The following IL1RAPL2 variants were observed in gnomAD, a reference collection of about 807,000 sequenced individuals.
IL1RAPL2 encodes the protein X-linked interleukin-1 receptor accessory protein-like 2.
Under a neutral mutation model 44.1 loss-of-function variants are expected in IL1RAPL2, and 3 were observed. The ratio of observed to expected loss-of-function variants is 0.07; its 90% CI spans 0.03 to 0.18. The LOEUF (loss-of-function observed/expected upper bound fraction) is 0.18. Among genes scored for constraint, IL1RAPL2 ranks in the 10% least tolerant of loss-of-function variants. The pLI, the probability that IL1RAPL2 is intolerant of heterozygous loss-of-function variation, is 1.00. For missense variants in IL1RAPL2, 391 were observed against 496.4 expected, an observed-to-expected ratio of 0.79 and a Z score of 2.02; for synonymous variants, 181 against 178.8, an observed-to-expected ratio of 1.01 and a Z score of -0.10.
chrX:104,575,848 G>T (rs1472089195), intron 1 of IL1RAPL2, among the ~76,000 whole-genome samples: 1 of 111,810 alleles, frequency 8.9e-6, no homozygotes, highest in East Asian at 2.8e-4. Context: ...AATCAAAAAG[G>T]TCACATCCTC....
At chrX:105,361,391 T>C (rs2035246443) in intron 5 of IL1RAPL2, among the ~76,000 whole-genome samples, 2 of 111,296 alleles carry the variant, frequency 1.8e-5, no homozygotes, top group Admixed American at 1.9e-4. Flanking sequence ...GGTGCATTCA[T>C]TCAATATTTA....
At chrX:104,594,636 A>G (rs1405528615) in intron 1 of IL1RAPL2, among the ~76,000 whole-genome samples, 2 of 112,480 alleles carry the variant, frequency 1.8e-5, no homozygotes, top group African/African-American at 6.5e-5. Context: ...AAGTAAATAA[A>G]TAAATATGTT....
intron 2 of IL1RAPL2, among the ~76,000 whole-genome samples, chrX:104,876,065 A>AT (rs1469458391): frequency 1.8e-5 from 2 of 111,099 alleles, no homozygotes; most frequent in Non-Finnish European, 3.8e-5. Context: ...GGGTTGAATG[A>AT]TTTCTCTTTT....
chrX:104,763,987 G>A (rs1404270839), intron 2 of IL1RAPL2, among the ~76,000 whole-genome samples: 2 of 111,773 alleles, frequency 1.8e-5, no homozygotes, highest in African/African-American at 3.3e-5. Flanking sequence ...TTGAAGTCAG[G>A]TAATATGATT....
intron 7 of IL1RAPL2, among the ~76,000 whole-genome samples, chrX:105,724,965 T>A (rs2038338589): frequency 9.0e-6 from 1 of 111,703 alleles, no homozygotes; most frequent in Non-Finnish European, 1.9e-5. Flanking sequence ...TTCCTTCTAA[T>A]CAATCTTACA....
rs1330088361 is a variant in IL1RAPL2 at position 104,929,222 on chromosome X, GTGATTA to G, written c.83-266251_83-266246del. 5.4e-5 allele frequency among the ~76,000 whole-genome samples: 6 copies of G among 111,548 alleles called. No homozygotes were observed. In the Admixed American group the frequency reaches 5.7e-4, roughly 11 times the overall value. ...ATGGAATTCATGGTATTTTTCCCTTGTGATTATAACAATTTGGACCCCATCAAGAAA... is the reference window on the plus strand; with the variant it reads ...ATGGAATTCATGGTATTTTTCCCTTGTAACAATTTGGACCCCATCAAGAAA... On this transcript the variant is annotated intron_variant, in intron 2 of 10. Coordinates refer to ENST00000372582, the MANE Select transcript of IL1RAPL2 (RefSeq NM_017416.2).
chrX:105,419,706 C>T (rs2035760924), intron 5 of IL1RAPL2, among the ~76,000 whole-genome samples: 1 of 112,011 alleles, frequency 8.9e-6, no homozygotes, highest in Non-Finnish European at 1.9e-5. Flanking sequence ...TTGCTGACAG[C>T]TTGGTCTGCA....
intron 5 of IL1RAPL2, among the ~76,000 whole-genome samples, chrX:105,455,186 G>C (rs975842761): frequency 1.8e-5 from 2 of 112,202 alleles, no homozygotes; most frequent in African/African-American, 6.5e-5. Context: ...CAGGTATATT[G>C]ATACAATTCA....
intron 2 of IL1RAPL2, among the ~76,000 whole-genome samples, chrX:105,006,028 T>A (rs2030935977): frequency 9.0e-6 from 1 of 110,853 alleles, no homozygotes; most frequent in Admixed American, 9.7e-5. Flanking sequence ...TTCAGACACA[T>A]GGGGGATTTT....
intron 6 of IL1RAPL2, among the ~76,000 whole-genome samples, chrX:105,540,218 C>T (rs73529025): frequency 0.14 from 15,271 of 111,435 alleles, 2,564 homozygotes; most frequent in African/African-American, 0.47. Flanking sequence ...AATCATTCTA[C>T]CAAAAAGACA....
At chrX:105,536,994 T>G (rs1179019455) in intron 6 of IL1RAPL2, among the ~76,000 whole-genome samples, 1 of 111,819 alleles carries the variant, frequency 8.9e-6, no homozygotes, top group Admixed American at 9.5e-5. Flanking sequence ...CCTTTTATGA[T>G]ACACGTTGCA....
intron 5 of IL1RAPL2, among the ~76,000 whole-genome samples, chrX:105,337,816 A>G (rs1027468600): frequency 2.3e-4 from 25 of 110,901 alleles, no homozygotes; most frequent in Non-Finnish European, 3.6e-4. Context: ...GTGTGAACCC[A>G]GGAGGCAGAG....
At chrX:105,251,219 G>C (rs2034266062) in intron 4 of IL1RAPL2, among the ~76,000 whole-genome samples, 1 of 108,829 alleles carries the variant, frequency 9.2e-6, no homozygotes, top group Admixed American at 9.9e-5. Flanking sequence ...CATTCTGACT[G>C]TTTTTCTAAA....
chrX:105,180,362 A>C (rs1556130070), intron 2 of IL1RAPL2, among the ~76,000 whole-genome samples: 3 of 111,177 alleles, frequency 2.7e-5, no homozygotes, highest in South Asian at 3.8e-4. Flanking sequence ...AAAACAAAAA[A>C]AAAAGAAAAG....
intron 2 of IL1RAPL2, among the ~76,000 whole-genome samples, chrX:105,057,564 A>ATG (rs946342911): frequency 1.8e-5 from 2 of 110,876 alleles, no homozygotes; most frequent in Non-Finnish European, 3.8e-5. Context: ...CTTATTTCCT[A>ATG]TGCCAAACAA....
At chrX:104,836,308 TAAAAA>T (rs894239581) in intron 2 of IL1RAPL2, among the ~76,000 whole-genome samples, 2 of 107,526 alleles carry the variant, frequency 1.9e-5, no homozygotes, top group Non-Finnish European at 3.9e-5. Context: ...GTTTAATGGG[TAAAAA>T]AAAACCCAGA....
intron 2 of IL1RAPL2, among the ~76,000 whole-genome samples, chrX:104,974,374 C>T (rs2030294539): frequency 8.9e-6 from 1 of 112,012 alleles, no homozygotes; most frequent in Non-Finnish European, 1.9e-5. Context: ...ATGAATAAGC[C>T]TAGACTAGCC....
At chrX:105,502,633 A>C (rs2036403558) in intron 6 of IL1RAPL2, among the ~76,000 whole-genome samples, 2 of 111,486 alleles carry the variant, frequency 1.8e-5, no homozygotes, top group African/African-American at 6.5e-5. Flanking sequence ...ACTTGTGGTC[A>C]GCTAACCCCC....
chrX:105,184,220 C>T (rs1441822241), intron 2 of IL1RAPL2, among the ~76,000 whole-genome samples: 1 of 111,545 alleles, frequency 9.0e-6, no homozygotes, highest in African/African-American at 3.3e-5. Context: ...ATTCAGCATT[C>T]TCTCTTAGGT....
Sources: allele counts gnomAD v4.1 joint callset (sites outside exome capture counted in the v4.1 genomes callset), GRCh38; gene constraint gnomAD v4.1.1; transcripts MANE v1.5; gene names NCBI Gene and HGNC (gene_info 2026-07-23, HGNC 2026-07-21).